The following POLR2D variants were observed in gnomAD, a reference collection of about 807,000 sequenced individuals.
POLR2D encodes RNA polymerase II subunit D, also known as DNA-directed RNA polymerase II subunit RPB4.
In POLR2D, 10 loss-of-function variants were observed where a neutral mutation model predicts 17.6. The observed-to-expected ratio is 0.57, with a 90% CI of 0.35 to 0.96. The LOEUF (loss-of-function observed/expected upper bound fraction) is 0.96, where lower values mean the gene tolerates loss of function less well. Ranked by LOEUF, POLR2D falls within the 40% of genes least tolerant of loss-of-function variation. POLR2D has a pLI of 0.02. For synonymous variants in POLR2D, 52 were observed against 60.2 expected, an observed-to-expected ratio of 0.86 and a Z score of 0.63; for missense variants, 126 against 176.4, an observed-to-expected ratio of 0.71 and a Z score of 1.62.
In POLR2D at chr2:127,846,725, C is replaced by T. The variant is rs146891421; in HGVS notation, c.*1382G>A. 245 of 156,162 alleles carry T rather than the reference C, an allele frequency of 1.6e-3. 1 individual carries two copies. The highest frequency in any genetic ancestry group is 4.8e-3 in the African/African-American group (198 of 41,646). 9.7% of individuals were successfully genotyped at this position (156,162 alleles called of 1,614,324 possible). A position where few individuals can be genotyped will look rare whatever the true frequency, so the allele number is the denominator to read the frequency against. On this transcript the variant is annotated 3_prime_UTR_variant, in exon 4 of 4. Coordinates refer to ENST00000272645, the MANE Select transcript of POLR2D (RefSeq NM_004805.4). ...GTTTTTCTTCAGTCCTTAACAACTC[C>T]GCTCCTTATATGGGCTTTGGTGGAG...
chr2:127,857,476 C>G (rs931545559), intron 1 of POLR2D, among the ~76,000 whole-genome samples: 2 of 152,216 alleles, frequency 1.3e-5, no homozygotes. Flanking sequence ...CAGCCAACAG[C>G]TGAAGATAGG....
chr2:127,855,820 C>A (rs1284740926), intron 1 of POLR2D, among the ~76,000 whole-genome samples: 4 of 152,216 alleles, frequency 2.6e-5, no homozygotes, highest in African/African-American at 9.6e-5. Context: ...CACACACACA[C>A]ACAATTTATT....
intron 2 of POLR2D, among the ~76,000 whole-genome samples, chr2:127,851,232 C>CA (rs1335081513): frequency 1.3e-5 from 2 of 151,914 alleles, no homozygotes; most frequent in African/African-American, 4.8e-5. Context: ...GACAAACAAA[C>CA]AAACAAACAA....
chr2:127,848,674 G>C (rs1018782761), intron 3 of POLR2D, among the ~76,000 whole-genome samples: 1 of 151,986 alleles, frequency 6.6e-6, no homozygotes, highest in African/African-American at 2.4e-5. Flanking sequence ...CCGCCACCAC[G>C]CCCAGCTAAT....
At position 127,852,177 on chromosome 2, in the gene POLR2D, T is replaced by C. The variant is rs1305277796; in HGVS notation, c.254+748A>G. Among the ~76,000 whole-genome samples the C allele has an allele frequency of 3.9e-5, 6 of 152,006 alleles. No individual in the cohort carries two copies. Among genetic ancestry groups the C allele is most frequent in the African/African-American group, 1.5e-4 (6 of 41,364 alleles). On this transcript the variant is annotated intron_variant, in intron 2 of 3. Coordinates refer to ENST00000272645, the MANE Select transcript of POLR2D (RefSeq NM_004805.4). The surrounding 1 kb of genome is among the most constrained non-coding windows in gnomAD (Gnocchi z 4.0). ...CTGGACAACATAGTAAGTCTCCCCA[T>C]CTCTAAAAAAAATAACAAAAAAAGT...
chr2:127,845,305 G>A lies in POLR2D; in HGVS notation c.*2802C>T, dbSNP rs1314263382. The A allele has an allele frequency of 6.7e-6, 1 of 149,412 alleles. No homozygotes were observed. Among genetic ancestry groups the A allele is most frequent in the African/African-American group, 2.5e-5 (1 of 40,258 alleles). The allele number at this position is 149,412 out of a possible 1,614,324, so 9.3% of individuals were successfully genotyped here. A position where few individuals can be genotyped will look rare whatever the true frequency, so the allele number is the denominator to read the frequency against. The stretch of plus-strand genomic sequence containing the variant: ...AGAAGACAGCATGGCCACTGCCCAA[G>A]AATGACATGCAAATTCATCAAGCAT... On this transcript the variant is annotated 3_prime_UTR_variant, in exon 4 of 4. Coordinates refer to ENST00000272645, the MANE Select transcript of POLR2D (RefSeq NM_004805.4).
intron 1 of POLR2D, among the ~76,000 whole-genome samples, chr2:127,854,856 G>A (rs2104726463): frequency 6.6e-6 from 1 of 152,160 alleles, no homozygotes; most frequent in East Asian, 1.9e-4. Context: ...TACCAGGAAA[G>A]TTACCTCTTT....
chr2:127,853,996 T>G (rs1194201916), intron 1 of POLR2D, among the ~76,000 whole-genome samples: 1 of 152,184 alleles, frequency 6.6e-6, no homozygotes, highest in Non-Finnish European at 1.5e-5. Flanking sequence ...ATTCCTTCCC[T>G]CTAGCCGGCA....
chr2:127,849,006 C>T (rs1309377160), intron 3 of POLR2D, among the ~76,000 whole-genome samples: 2 of 152,040 alleles, frequency 1.3e-5, no homozygotes, highest in Non-Finnish European at 2.9e-5. Context: ...TGGTATCAAC[C>T]TCCCAAAGTG....
At chr2:127,857,245 G>A (rs1690351762) in intron 1 of POLR2D, 1 of 152,150 alleles carries the variant, frequency 6.6e-6, no homozygotes, top group Non-Finnish European at 1.5e-5. Flanking sequence ...GAGCGGTTGA[G>A]AGGTTGAGGT....
intron 1 of POLR2D, among the ~76,000 whole-genome samples, chr2:127,855,021 A>T (rs1031539799): frequency 6.7e-6 from 1 of 149,724 alleles, no homozygotes; most frequent in Non-Finnish European, 1.5e-5. Flanking sequence ...AAAAAAAAAA[A>T]GGGAAGCAGC....
intron 1 of POLR2D, chr2:127,857,158 T>A (rs183137448): frequency 0.026 from 3,916 of 151,884 alleles, 44 homozygotes; most frequent in Middle Eastern, 0.051. Context: ...ACGAAAAAAA[T>A]TTTTTTAATG....
intron 2 of POLR2D, among the ~76,000 whole-genome samples, chr2:127,851,403 A>G (rs893912541): frequency 1.3e-5 from 2 of 152,050 alleles, no homozygotes; most frequent in Non-Finnish European, 2.9e-5. Context: ...TGGGTGATGA[A>G]GTGAGACTGT....
At chr2:127,850,720 CA>C (rs749734636) in intron 2 of POLR2D, 35 bp from the exon 3 acceptor site, 3 of 988,900 alleles carry the variant, frequency 3.0e-6, no homozygotes, top group East Asian at 2.4e-5. Context: ...TCAAAATAAT[CA>C]AAAACAAATA....
chr2:127,848,603 G>A (rs1242553161), intron 3 of POLR2D, among the ~76,000 whole-genome samples: 9 of 151,562 alleles, frequency 5.9e-5, no homozygotes, highest in African/African-American at 1.7e-4. Flanking sequence ...TGCAAGCTCC[G>A]CCTTCCGGAT....
Position 127,853,074 on chromosome 2 carries a change from T to C in POLR2D, c.105A>G (p.Ser35=), listed in dbSNP as rs10210695. The change falls in exon 2 of 4, where the codon TCA becomes TCG. Residue 35 remains serine, a synonymous_variant. Coordinates refer to ENST00000272645, the MANE Select transcript of POLR2D (RefSeq NM_004805.4). ...GATGTTCCAGAAGCATATGAACTTC[T>C]GAATTTAGAAGTGTCTCAGCTGTTT... ...EFETAETLLN[S]EVHMLLEHRK... is the part of the protein sequence containing the mutation. 0.11 allele frequency: 179,180 copies of C among 1,613,106 alleles called. 11,466 individuals are homozygous for C. The highest frequency in any genetic ancestry group is 0.28 in the African/African-American group (20,614 of 74,934).
chr2:127,848,402 T>TAA (rs1690188636), intron 3 of POLR2D, among the ~76,000 whole-genome samples: 1 of 152,002 alleles, frequency 6.6e-6, no homozygotes, highest in South Asian at 2.1e-4. Context: ...CCACTTGACT[T>TAA]AGAGGTTTTT....
intron 1 of POLR2D, among the ~76,000 whole-genome samples, chr2:127,853,575 CAG>C (rs1412591336): frequency 6.6e-6 from 1 of 151,414 alleles, no homozygotes; most frequent in Admixed American, 6.6e-5. Flanking sequence ...TTTTTTGAGA[CAG>C]AGTCTCAATC....
chr2:127,855,001 CAAAAA>C (rs58280789), intron 1 of POLR2D, among the ~76,000 whole-genome samples: 1 of 70,954 alleles, frequency 1.4e-5, no homozygotes, highest in Non-Finnish European at 3.2e-5. Context: ...GACATCAGGC[CAAAAA>C]AAAAAAAAAA....
Sources: allele counts gnomAD v4.1 joint callset (sites outside exome capture counted in the v4.1 genomes callset), GRCh38; gene constraint gnomAD v4.1.1; non-coding constraint Gnocchi (gnomAD v3.1); transcripts MANE v1.5; gene names NCBI Gene and HGNC (gene_info 2026-07-23, HGNC 2026-07-21).